The following STAMBPL1 variants were observed in gnomAD, a reference collection of about 807,000 sequenced individuals.
STAMBPL1 encodes AMSH-like protease.
A neutral mutation model predicts 52.9 loss-of-function variants in STAMBPL1; 44 were observed. The observed-to-expected ratio is 0.83, with a 90% CI of 0.65 to 1.07. The LOEUF (loss-of-function observed/expected upper bound fraction) is 1.07, where lower values mean the gene tolerates loss of function less well. Ranked by LOEUF, STAMBPL1 falls within the 50% of genes least tolerant of loss-of-function variation. The pLI, the probability that STAMBPL1 is intolerant of heterozygous loss-of-function variation, is 0.00. For missense variants in STAMBPL1, 511 were observed against 520.8 expected (o/e 0.98, Z 0.18); for synonymous variants, 164 against 177.3 (o/e 0.92, Z 0.60).
Position 88,921,268 on chromosome 10 carries a change from AT to A in STAMBPL1, c.1042-11del. On this transcript the variant is annotated splice_polypyrimidine_tract_variant and intron_variant, in intron 8 of 10. Transcript: ENST00000371926. ...ACAGCTATCCTAGTAAGATTATCTT[AT>A]TTTCTATTTATAGACACATCCCACT... The A allele has an allele frequency of 6.2e-7, 1 of 1,601,142 alleles. No individual in the cohort carries two copies.
At chr10:88,918,306 T>TACACACACAC (rs199604099) in intron 8 of STAMBPL1, among the ~76,000 whole-genome samples, 34 of 143,444 alleles carry the variant, frequency 2.4e-4, no homozygotes, top group Non-Finnish European at 4.7e-4. Context: ...CACACACACA[T>TACACACACAC]ACACACACAC....
Position 88,890,057 on chromosome 10 carries a change from G to GA in STAMBPL1, c.-54+9424dup, listed in dbSNP as rs1427572212. Among the ~76,000 whole-genome samples, 4 of 152,174 alleles carry GA rather than the reference G, an allele frequency of 2.6e-5. No homozygotes were observed. In the South Asian group the frequency reaches 6.2e-4, roughly 24 times the overall value. On this transcript the variant is annotated intron_variant, in intron 1 of 10. Transcript: ENST00000371926. ...GATGATGGTCAAAAATAACTTGCCT[G>GA]AAAAAGAGATGCTTAAGCTAACACC...
intron 2 of STAMBPL1, among the ~76,000 whole-genome samples, chr10:88,903,566 C>G (rs1042993861): frequency 6.6e-6 from 1 of 152,182 alleles, no homozygotes; most frequent in Non-Finnish European, 1.5e-5. Context: ...GAGGCTGGAA[C>G]CCCCTTTAGA....
chr10:88,888,496 A>G (rs1321417750), intron 1 of STAMBPL1, among the ~76,000 whole-genome samples: 1 of 152,218 alleles, frequency 6.6e-6, no homozygotes, highest in East Asian at 1.9e-4. Flanking sequence ...CTGACTTTCA[A>G]GGGTTTATGC....
chr10:88,921,367 G>A lies in STAMBPL1; in HGVS notation c.1126G>A (p.Ala376Thr). The A allele has an allele frequency of 6.2e-7, 1 of 1,613,160 alleles. No homozygotes were observed. Among genetic ancestry groups the A allele is most frequent in the Non-Finnish European group, 8.5e-7 (1 of 1,179,408 alleles). ...SYQLMLPEAI[A>T]IVCSPKHKDT... is the part of the protein sequence containing the mutation. ...TCAACTCATGTTGCCAGAGGCCATT[G>A]CCATTGTTTGCTCACCAAAGCATAA... The change falls in exon 9 of 11, where the codon GCC becomes ACC. Residue 376 changes from alanine to threonine, a missense_variant. By Grantham distance (58) the Ala-to-Thr change is moderately conservative. Around this residue, in one of 3 missense-constraint regions of STAMBPL1, gnomAD observed 137 missense variants for 139.9 expected, o/e 0.98. Coordinates refer to ENST00000371926, the MANE Select transcript of STAMBPL1 (RefSeq NM_020799.4).
At chr10:88,915,971 C>G (rs1168607175) in intron 7 of STAMBPL1, among the ~76,000 whole-genome samples, 1 of 152,104 alleles carries the variant, frequency 6.6e-6, no homozygotes, top group Non-Finnish European at 1.5e-5. Context: ...GAAAGGCCAG[C>G]CTGCCTGGGG....
intron 4 of STAMBPL1, among the ~76,000 whole-genome samples, 170 bp downstream of exon 4, chr10:88,908,947 A>G (rs1248482463): frequency 6.6e-6 from 1 of 152,198 alleles, no homozygotes; most frequent in Non-Finnish European, 1.5e-5. Flanking sequence ...AATGATCATC[A>G]CTGAGCCAGT....
intron 2 of STAMBPL1, among the ~76,000 whole-genome samples, chr10:88,902,402 T>G (rs1257354716): frequency 6.6e-6 from 1 of 152,116 alleles, no homozygotes; most frequent in Admixed American, 6.5e-5. Context: ...AAACTGTCAT[T>G]CCCATTTTCC....
chr10:88,901,765 AT>A lies in STAMBPL1; in HGVS notation c.30+30del, dbSNP rs1205100589. ...TAGGTCACACCAGCTGATATCTAAC[AT>A]TTGGTTGGAAAGCCCAAAAAGAAGA... On this transcript the variant is annotated intron_variant, in intron 2 of 10. Transcript: ENST00000371926. 3.7e-6 allele frequency: 6 copies of A among 1,608,172 alleles called. No homozygotes were observed. In the East Asian group the frequency reaches 1.3e-4, roughly 36 times the overall value.
At chr10:88,918,820 C>CAA (rs755744989) in intron 8 of STAMBPL1, among the ~76,000 whole-genome samples, 40 of 152,226 alleles carry the variant, frequency 2.6e-4, no homozygotes, top group African/African-American at 5.3e-4. Flanking sequence ...GTTTATCTAA[C>CAA]AAAACATTTT....
intron 1 of STAMBPL1, among the ~76,000 whole-genome samples, chr10:88,886,940 C>G (rs1187732393): frequency 6.6e-6 from 1 of 152,218 alleles, no homozygotes; most frequent in Non-Finnish European, 1.5e-5. Flanking sequence ...TATCCTGTCA[C>G]TACAACTGTA....
At chr10:88,922,519 C>T (rs969392507) in intron 10 of STAMBPL1, 83 bp downstream of exon 10, 2 of 1,280,782 alleles carry the variant, frequency 1.6e-6, no homozygotes, top group Non-Finnish European at 2.2e-6. Flanking sequence ...TAGTAGCAGT[C>T]TAATATAAGA....
chr10:88,890,626 G>T (rs572538488), intron 1 of STAMBPL1, among the ~76,000 whole-genome samples: 1 of 152,276 alleles, frequency 6.6e-6, no homozygotes, highest in African/African-American at 2.4e-5. Flanking sequence ...TTGGATGTTG[G>T]TACCATCCAT....
intron 4 of STAMBPL1, among the ~76,000 whole-genome samples, chr10:88,909,506 A>ATTTT (rs2133187202): frequency 6.6e-6 from 1 of 152,336 alleles, no homozygotes; most frequent in Non-Finnish European, 1.5e-5. Flanking sequence ...AAAACACTTT[A>ATTTT]CCAAATAATG....
intron 6 of STAMBPL1, 125 bp downstream of exon 6, chr10:88,913,583 T>A (rs79153037): frequency 0.012 from 9,354 of 793,816 alleles, 135 homozygotes; most frequent in South Asian, 0.046. Context: ...CATAATATGG[T>A]ATGAATGAAA....
chr10:88,921,385 A>G lies in STAMBPL1; in HGVS notation c.1144A>G (p.Lys382Glu). 1 of 1,612,358 alleles carries G rather than the reference A, an allele frequency of 6.2e-7. No individual in the cohort carries two copies. The highest frequency in any genetic ancestry group is 8.5e-7 in the Non-Finnish European group (1 of 1,178,730). Residue 382 changes from lysine (K) to glutamate (E), a missense_variant, in exon 9 of 11, where the codon AAG (lysine) becomes GAG (glutamate). Transcript: ENST00000371926. ...PEAIAIVCSP[K>E]HKDTGIFRLT... ...GGCCATTGCCATTGTTTGCTCACCA[A>G]AGCATAAAGAGTAAGTGTAACTCTT...
chr10:88,894,330 C>T (rs574613519), intron 1 of STAMBPL1, among the ~76,000 whole-genome samples: 62 of 152,036 alleles, frequency 4.1e-4, no homozygotes, highest in South Asian at 6.2e-4. Context: ...AGCCAGGGAA[C>T]GAAAGCATTC....
At chr10:88,880,707 C>T (rs1483177143) in intron 1 of STAMBPL1, 69 bp downstream of exon 1, 1 of 152,198 alleles carries the variant, frequency 6.6e-6, no homozygotes, top group Non-Finnish European at 1.5e-5. Flanking sequence ...GCGGGTGCGT[C>T]TGCCTCGTGG....
At chr10:88,902,002 C>T (rs545931414) in intron 2 of STAMBPL1, among the ~76,000 whole-genome samples, 10 of 152,184 alleles carry the variant, frequency 6.6e-5, no homozygotes, top group South Asian at 2.1e-4. Flanking sequence ...GGCAAAACAC[C>T]GGAGAGAAGA....
Sources: allele counts gnomAD v4.1 joint callset (sites outside exome capture counted in the v4.1 genomes callset), GRCh38; gene constraint gnomAD v4.1.1; regional missense constraint gnomAD v4.1.1; transcripts MANE v1.5; gene names NCBI Gene and HGNC (gene_info 2026-07-23, HGNC 2026-07-21).